Variants in CYP7B1 observed in about 807,000 individuals in gnomAD.
CYP7B1 encodes the protein cytochrome P450 7B1.
CYP7B1 carries 29 observed loss-of-function variants against 42.7 expected under a neutral mutation model. The observed-to-expected ratio is 0.68, with a 90% confidence interval of 0.51 to 0.93. The LOEUF is 0.93. CYP7B1 is among the 40% of genes least tolerant of loss of function. CYP7B1 has a pLI of 0.00. For missense variants in CYP7B1, 655 were observed against 600.5 expected, an observed-to-expected ratio of 1.09 and a Z score of -0.95; for synonymous variants, 235 against 218.2, an observed-to-expected ratio of 1.08 and a Z score of -0.68.
At chr8:64,695,602 C>CTT (rs1806813271) in intron 1 of CYP7B1, among the ~76,000 whole-genome samples, 1 of 92,556 alleles carries the variant, frequency 1.1e-5, no homozygotes, top group Non-Finnish European at 2.0e-5. Flanking sequence ...TTATCAAATT[C>CTT]CTTTTTTTTT....
chr8:64,658,236 G>A (rs1031066565), intron 1 of CYP7B1, among the ~76,000 whole-genome samples: 7 of 151,994 alleles, frequency 4.6e-5, no homozygotes, highest in Non-Finnish European at 1.5e-5. Context: ...AATCAATGAA[G>A]AATATTATAA....
rs144847039 is a variant in CYP7B1 at position 64,618,246 on chromosome 8, G to A, written c.260-1965C>T. On this transcript the variant is annotated intron_variant, in intron 2 of 5. Coordinates refer to ENST00000310193, the MANE Select transcript of CYP7B1 (RefSeq NM_004820.5). Reference sequence around the variant, plus strand: ...AAAAGATATAATTTTAGGCAAAGTTGTGTATTTTCACAGGTGGTGATTCAT... The same window carrying A: ...AAAAGATATAATTTTAGGCAAAGTTATGTATTTTCACAGGTGGTGATTCAT... 6.0e-4 allele frequency among the ~76,000 whole-genome samples: 91 copies of A among 151,838 alleles called. 1 individual carries two copies. Among genetic ancestry groups the A allele is most frequent in the African/African-American group, 2.0e-3 (83 of 41,398 alleles).
intron 1 of CYP7B1, among the ~76,000 whole-genome samples, chr8:64,788,460 A>C (rs1804564169): frequency 6.6e-6 from 1 of 152,146 alleles, no homozygotes; most frequent in Non-Finnish European, 1.5e-5. Context: ...TATTTTTCTC[A>C]CATCCCAGAG....
chr8:64,740,934 A>G lies in CYP7B1; in HGVS notation c.122+57532T>C, dbSNP rs555413201. On this transcript the variant is annotated intron_variant, in intron 1 of 5. Coordinates refer to ENST00000310193, the MANE Select transcript of CYP7B1 (RefSeq NM_004820.5). ...ATTTTTTCAATCATTTAAGGACAAAATAATACCAATTCTGTATCATTTCTT... is the reference window on the plus strand; with the variant it reads ...ATTTTTTCAATCATTTAAGGACAAAGTAATACCAATTCTGTATCATTTCTT... Among the ~76,000 whole-genome samples, 16 of 152,292 alleles carry G rather than the reference A, an allele frequency of 1.1e-4. No homozygotes were observed. The East Asian group carries it at 3.1e-3, about 29-fold the overall frequency.
At chr8:64,696,656 G>C (rs1806832741) in intron 1 of CYP7B1, among the ~76,000 whole-genome samples, 1 of 152,098 alleles carries the variant, frequency 6.6e-6, no homozygotes, top group Non-Finnish European at 1.5e-5. Flanking sequence ...TCTTAGCATT[G>C]ATTTGTGACT....
At chr8:64,779,118 ATT>A (rs939324440) in intron 1 of CYP7B1, among the ~76,000 whole-genome samples, 3 of 152,082 alleles carry the variant, frequency 2.0e-5, no homozygotes, top group Non-Finnish European at 2.9e-5. Flanking sequence ...TAATATTTTC[ATT>A]TTTAGTAAAG....
chr8:64,648,179 T>C (rs180860000), intron 1 of CYP7B1, among the ~76,000 whole-genome samples: 7 of 152,310 alleles, frequency 4.6e-5, no homozygotes, highest in African/African-American at 1.4e-4. Flanking sequence ...GTGGTGACTG[T>C]AGTGATAGAG....
At chr8:64,787,143 A>G (rs1804541362) in intron 1 of CYP7B1, among the ~76,000 whole-genome samples, 1 of 152,208 alleles carries the variant, frequency 6.6e-6, no homozygotes, top group Non-Finnish European at 1.5e-5. Context: ...AAGGTCTCCA[A>G]CGCCCTGCAG....
intron 1 of CYP7B1, among the ~76,000 whole-genome samples, chr8:64,682,861 C>T (rs943867878): frequency 3.9e-5 from 6 of 152,206 alleles, no homozygotes; most frequent in Admixed American, 3.9e-4. Flanking sequence ...ACATCTTAAA[C>T]TTCACCTATC....
intron 5 of CYP7B1, among the ~76,000 whole-genome samples, chr8:64,598,623 G>A (rs562186929): frequency 9.8e-4 from 149 of 152,238 alleles, no homozygotes; most frequent in Admixed American, 4.8e-3. Context: ...AAATCACCAT[G>A]GTTTTCTGGT....
chr8:64,616,363 T>A, intron 2 of CYP7B1, 82 bp from the exon 3 acceptor site: 1 of 922,964 alleles, frequency 1.1e-6, no homozygotes, highest in Non-Finnish European at 1.6e-6. Context: ...AAAAATATGT[T>A]AATCAAAATT....
intron 1 of CYP7B1, among the ~76,000 whole-genome samples, chr8:64,764,801 T>C (rs1403621486): frequency 6.6e-6 from 1 of 152,146 alleles, no homozygotes; most frequent in Admixed American, 6.5e-5. Flanking sequence ...GCTTACTAAC[T>C]AAAAAATCTA....
At position 64,663,836 on chromosome 8, in the gene CYP7B1, C is replaced by G. The variant is rs1046277287; in HGVS notation, c.123-39297G>C. On this transcript the variant is annotated intron_variant, in intron 1 of 5. Transcript: ENST00000310193. ...TCTCATCTGGCAACACCACGCGTCT[C>G]TCTTGCCTATTCCTTGCCACTCGGC... Among the ~76,000 whole-genome samples, 3 of 152,344 alleles carry G rather than the reference C, an allele frequency of 2.0e-5. No individual in the cohort carries two copies. The South Asian group carries it at 6.2e-4, about 32-fold the overall frequency.
intron 1 of CYP7B1, among the ~76,000 whole-genome samples, chr8:64,724,398 C>T (rs751111471): frequency 6.6e-6 from 1 of 152,130 alleles, no homozygotes; most frequent in African/African-American, 2.4e-5. Flanking sequence ...CCACCCGCCT[C>T]AGCCTCCCAA....
chr8:64,680,158 TTTTC>T (rs1385175416), intron 1 of CYP7B1, among the ~76,000 whole-genome samples: 2 of 152,126 alleles, frequency 1.3e-5, no homozygotes, highest in Non-Finnish European at 2.9e-5. Context: ...ATGTGATATT[TTTTC>T]TTTCTTTGTC....
rs543387237 is a variant in CYP7B1 at position 64,792,357 on chromosome 8, G to A, written c.122+6109C>T. On this transcript the variant is annotated intron_variant, in intron 1 of 5. Coordinates refer to ENST00000310193, the MANE Select transcript of CYP7B1 (RefSeq NM_004820.5). ...CGTCCACCTATCCAGATTGCAGAAGGCACTAATATTAGGAGATTACTAATA... is the reference window on the plus strand; with the variant it reads ...CGTCCACCTATCCAGATTGCAGAAGACACTAATATTAGGAGATTACTAATA... Among the ~76,000 whole-genome samples the A allele has an allele frequency of 2.0e-5, 3 of 152,218 alleles. No homozygotes were observed. The East Asian group carries it at 5.8e-4, about 29-fold the overall frequency.
At chr8:64,670,899 T>G (rs1033845365) in intron 1 of CYP7B1, among the ~76,000 whole-genome samples, 7 of 152,120 alleles carry the variant, frequency 4.6e-5, no homozygotes, top group African/African-American at 1.4e-4. Flanking sequence ...GGTGTTAGTA[T>G]CACTTATTTT....
chr8:64,776,351 C>T (rs1804327279), intron 1 of CYP7B1, among the ~76,000 whole-genome samples: 1 of 152,090 alleles, frequency 6.6e-6, no homozygotes, highest in African/African-American at 2.4e-5. Flanking sequence ...TTTGCAAATG[C>T]ATCTATGCAT....
At position 64,675,606 on chromosome 8, in the gene CYP7B1, T is replaced by A. The variant is rs188242824; in HGVS notation, c.123-51067A>T. ...TTAAGAAAATACATATTACTAATTA[T>A]TACTTAACTATCACTAAATGATTCT... On this transcript the variant is annotated intron_variant, in intron 1 of 5. Coordinates refer to ENST00000310193, the MANE Select transcript of CYP7B1 (RefSeq NM_004820.5). Among the ~76,000 whole-genome samples, 584 of 152,094 alleles carry A rather than the reference T, an allele frequency of 3.8e-3. 6 individuals carry two copies. The highest frequency in any genetic ancestry group is 0.013 in the African/African-American group (549 of 41,526).
Sources: allele counts gnomAD v4.1 joint callset (sites outside exome capture counted in the v4.1 genomes callset), GRCh38; gene constraint gnomAD v4.1.1; transcripts MANE v1.5; gene names NCBI Gene and HGNC (gene_info 2026-07-23, HGNC 2026-07-21).